EPHA5: variants seen among roughly 807,000 people sequenced by gnomAD.
The protein encoded by EPHA5 is ephrin type-A receptor 5.
A neutral mutation model predicts 105.0 loss-of-function variants in EPHA5; 60 were observed. The ratio of observed to expected loss-of-function variants is 0.57; its 90% CI spans 0.46 to 0.71. The LOEUF is 0.71. Among genes scored for constraint, EPHA5 ranks in the 30% least tolerant of loss-of-function variants. The probability of loss-of-function intolerance (pLI) is 0.00; values close to 1 mark genes in which losing one functional copy is unlikely to be tolerated. For missense variants in EPHA5, 1,218 were observed against 1,274.7 expected, an observed-to-expected ratio of 0.96 and a Z score of 0.68; for synonymous variants, 513 against 449.1, an observed-to-expected ratio of 1.14 and a Z score of -1.80.
intron 3 of EPHA5, among the ~76,000 whole-genome samples, chr4:65,507,057 A>G (rs1733106211): frequency 6.6e-6 from 1 of 152,174 alleles, no homozygotes; most frequent in Admixed American, 6.5e-5. Flanking sequence ...GGTGTAAGGA[A>G]GGGATCCAGT....
intron 3 of EPHA5, among the ~76,000 whole-genome samples, chr4:65,596,376 T>C (rs1743187149): frequency 6.6e-6 from 1 of 151,880 alleles, no homozygotes; most frequent in Admixed American, 6.6e-5. Context: ...CAGTCTACAG[T>C]GAACAAGACA....
At chr4:65,461,653 G>A (rs1259881768) in intron 5 of EPHA5, among the ~76,000 whole-genome samples, 1 of 152,028 alleles carries the variant, frequency 6.6e-6, no homozygotes, top group Admixed American at 6.6e-5. Context: ...AGCTTATAAA[G>A]CTGTAAGTCA....
intron 3 of EPHA5, among the ~76,000 whole-genome samples, chr4:65,556,269 G>A (rs1251558229): frequency 6.6e-6 from 1 of 152,100 alleles, no homozygotes; most frequent in Non-Finnish European, 1.5e-5. Flanking sequence ...ATGAACTACT[G>A]TGATGTCAAT....
intron 3 of EPHA5, among the ~76,000 whole-genome samples, chr4:65,539,445 T>C (rs1736610792): frequency 6.6e-6 from 1 of 151,658 alleles, no homozygotes; most frequent in South Asian, 2.1e-4. Flanking sequence ...GATCCTTCTT[T>C]AATTGTTTTT....
intron 2 of EPHA5, among the ~76,000 whole-genome samples, chr4:65,612,572 T>C (rs1285884987): frequency 1.3e-5 from 2 of 152,242 alleles, no homozygotes; most frequent in African/African-American, 4.8e-5. Context: ...CAATCATCCT[T>C]TGATGAACAC....
At chr4:65,324,329 C>A (rs950054694) in intron 16 of EPHA5, 110 bp from the exon 17 acceptor site, 1 of 657,994 alleles carries the variant, frequency 1.5e-6, no homozygotes, top group Non-Finnish European at 2.6e-6. Flanking sequence ...AGATTACAGT[C>A]CTAATTTAGA....
chr4:65,562,443 A>G (rs1193287901), intron 3 of EPHA5, among the ~76,000 whole-genome samples: 7 of 152,046 alleles, frequency 4.6e-5, no homozygotes, highest in African/African-American at 7.2e-5. Context: ...GTTTTAGGGG[A>G]AAAAAGATGC....
Position 65,573,895 on chromosome 4 carries a change from C to A in EPHA5, c.910+27746G>T, listed in dbSNP as rs1158947403. ...GTGAGAAAACTGCGAGCCAGCATTA[C>A]CCCCGGGACCATTCTGATCATCCTC... On this transcript the variant is annotated intron_variant, in intron 3 of 16. Coordinates refer to ENST00000613740, the MANE Select transcript of EPHA5 (RefSeq NM_001281766.3). 15 of 1,610,868 alleles carry A rather than the reference C, an allele frequency of 9.3e-6. No homozygotes were observed. In the Admixed American group the frequency reaches 1.5e-4, roughly 16 times the overall value.
intron 1 of EPHA5, among the ~76,000 whole-genome samples, chr4:65,666,784 CAT>C (rs1750004475): frequency 1.3e-5 from 2 of 152,256 alleles, no homozygotes; most frequent in Admixed American, 1.3e-4. Flanking sequence ...CATATTCAAA[CAT>C]GCCAAATAAA....
At chr4:65,462,496 T>C (rs1264083942) in intron 5 of EPHA5, among the ~76,000 whole-genome samples, 2 of 152,136 alleles carry the variant, frequency 1.3e-5, no homozygotes, top group Non-Finnish European at 2.9e-5. Context: ...CACAGGTCTG[T>C]ATTCATCTCA....
In EPHA5 at chr4:65,323,826, A is replaced by C; in HGVS notation, c.*288T>G. ...TATAATTATATATTTCATGTACAAA[A>C]TTTTGTAGAAGTAGTGGGAAGGATT... On this transcript the variant is annotated 3_prime_UTR_variant, in exon 17 of 17. Transcript: ENST00000613740. 1 of 264,138 alleles carries C rather than the reference A, an allele frequency of 3.8e-6. No homozygotes were observed. The highest frequency in any genetic ancestry group is 7.2e-6 in the Non-Finnish European group (1 of 138,064). The allele number at this position is 264,138 out of a possible 1,614,324, so 16.4% of individuals were successfully genotyped here.
chr4:65,339,340 C>A (rs903711648), intron 14 of EPHA5, among the ~76,000 whole-genome samples: 1 of 152,048 alleles, frequency 6.6e-6, no homozygotes, highest in Non-Finnish European at 1.5e-5. Flanking sequence ...CACAGAATTC[C>A]ACATAGTATA....
chr4:65,417,645 C>A (rs1723518311), intron 6 of EPHA5, among the ~76,000 whole-genome samples: 2 of 151,794 alleles, frequency 1.3e-5, no homozygotes, highest in East Asian at 1.9e-4. Flanking sequence ...TTGAGTTATA[C>A]AGATCATATA....
At chr4:65,551,663 T>C (rs1737935298) in intron 3 of EPHA5, among the ~76,000 whole-genome samples, 2 of 152,108 alleles carry the variant, frequency 1.3e-5, no homozygotes, top group Admixed American at 6.6e-5. Flanking sequence ...TTAATATGCT[T>C]GAAAATTTTT....
intron 3 of EPHA5, among the ~76,000 whole-genome samples, chr4:65,522,852 C>G (rs898376431): frequency 6.6e-6 from 1 of 151,950 alleles, no homozygotes; most frequent in Non-Finnish European, 1.5e-5. Context: ...ACTTATACAA[C>G]AGGCCAAATG....
chr4:65,544,349 G>C (rs1220230324), intron 3 of EPHA5, among the ~76,000 whole-genome samples: 1 of 151,834 alleles, frequency 6.6e-6, no homozygotes, highest in East Asian at 1.9e-4. Flanking sequence ...CTAATATCCA[G>C]GATTTAAAAG....
intron 3 of EPHA5, among the ~76,000 whole-genome samples, chr4:65,600,376 G>A (rs1302593282): frequency 6.6e-6 from 1 of 151,864 alleles, no homozygotes; most frequent in African/African-American, 2.4e-5. Flanking sequence ...GAAAGTTGTA[G>A]CTTGCATGGA....
chr4:65,508,289 T>C (rs959308079), intron 3 of EPHA5, among the ~76,000 whole-genome samples: 1 of 152,144 alleles, frequency 6.6e-6, no homozygotes, highest in African/African-American at 2.4e-5. Flanking sequence ...TTCATGTCTA[T>C]ACGGTCATAA....
intron 5 of EPHA5, among the ~76,000 whole-genome samples, chr4:65,471,296 T>G (rs569193458): frequency 3.3e-5 from 5 of 152,234 alleles, no homozygotes; most frequent in Non-Finnish European, 7.3e-5. Flanking sequence ...CAACATCATA[T>G]TGGGAAATGT....
Sources: allele counts gnomAD v4.1 joint callset (sites outside exome capture counted in the v4.1 genomes callset), GRCh38; gene constraint gnomAD v4.1.1; transcripts MANE v1.5; gene names NCBI Gene and HGNC (gene_info 2026-07-23, HGNC 2026-07-21).